The following PARD3B variants were observed in gnomAD, a reference collection of about 807,000 sequenced individuals.
The protein encoded by PARD3B is partitioning defective 3 homolog B.
A neutral mutation model predicts 130.2 loss-of-function variants in PARD3B; 103 were observed. The observed-to-expected ratio is 0.79, with a 90% CI of 0.67 to 0.93. The LOEUF (loss-of-function observed/expected upper bound fraction) is 0.93, where lower values mean the gene tolerates loss of function less well. PARD3B is among the 40% of genes least tolerant of loss of function. The probability of loss-of-function intolerance (pLI) is 0.00; values close to 1 mark genes in which losing one functional copy is unlikely to be tolerated. For missense variants in PARD3B, 1,609 were observed against 1,499.2 expected (o/e 1.07, Z -1.21); for synonymous variants, 583 against 553.2 (o/e 1.05, Z -0.76).
At position 205,176,474 on chromosome 2, in the gene PARD3B, G is replaced by A; in HGVS notation, c.1821G>A (p.Lys607=). The change falls in exon 13 of 23, where the codon AAG becomes AAA. Residue 607 remains lysine, a synonymous_variant. Transcript: ENST00000406610. The surrounding 1 kb of genome is among the most constrained non-coding windows in gnomAD (Gnocchi z 5.3). The stretch of plus-strand genomic sequence containing the variant: ...CTGCAGAGTGTGGGGCATTTTCCAA[G>A]CCATGCTTTGAGAACTGTCAAAATG... ...EDPAECGAFS[K]PCFENCQNAV... is the part of the protein sequence containing the mutation. 1 of 1,611,236 alleles carries A rather than the reference G, an allele frequency of 6.2e-7. No individual in the cohort carries two copies. The highest frequency in any genetic ancestry group is 1.1e-5 in the South Asian group (1 of 90,418).
chr2:204,817,355 A>G (rs1227806943), intron 2 of PARD3B, among the ~76,000 whole-genome samples: 1 of 151,920 alleles, frequency 6.6e-6, no homozygotes, highest in East Asian at 1.9e-4. Context: ...ACACAGCTAG[A>G]TTTATTAGAA....
Position 205,583,377 on chromosome 2 carries a change from C to CTGTGTGTGTGTGTG in PARD3B, c.3260+29985_3260+29998dup, listed in dbSNP as rs139162850. On this transcript the variant is annotated intron_variant, in intron 22 of 22. Transcript: ENST00000406610. ...TTAGTCATCTCTCTCCTCCTAAGCT[C>CTGTGTGTGTGTGTG]TGTGTGTGTGTGTGTGTGTGTGTGC... Among the ~76,000 whole-genome samples, 971 of 150,486 alleles carry CTGTGTGTGTGTGTG rather than the reference C, an allele frequency of 6.5e-3. 3 individuals are homozygous for CTGTGTGTGTGTGTG. Among genetic ancestry groups the CTGTGTGTGTGTGTG allele is most frequent in the South Asian group, 0.014 (65 of 4,728 alleles).
At chr2:205,583,424 AG>A (rs1345091764) in intron 22 of PARD3B, among the ~76,000 whole-genome samples, 4 of 101,422 alleles carry the variant, frequency 3.9e-5, no homozygotes, top group Non-Finnish European at 8.6e-5. Context: ...CGTGTGAGAG[AG>A]AGAGAGAGAG....
intron 4 of PARD3B, among the ~76,000 whole-genome samples, chr2:205,101,350 G>A (rs956971123): frequency 6.6e-6 from 1 of 152,116 alleles, no homozygotes; most frequent in Non-Finnish European, 1.5e-5. Context: ...TACCCATTAG[G>A]ATGAATAAAA....
At chr2:204,980,908 T>G (rs1319183863) in intron 3 of PARD3B, among the ~76,000 whole-genome samples, 2 of 152,218 alleles carry the variant, frequency 1.3e-5, no homozygotes, top group African/African-American at 4.8e-5. Context: ...AGGAAATCTG[T>G]AGCCTTGTTA....
rs562052592 is a variant in PARD3B at position 205,213,175 on chromosome 2, A to G, written c.2140+19855A>G. Among the ~76,000 whole-genome samples the G allele has an allele frequency of 2.0e-5, 3 of 152,136 alleles. No individual in the cohort carries two copies. The South Asian group carries it at 6.2e-4, about 32-fold the overall frequency. ...CACTCTTTTTTAAATTCTGTCTTTCATTCAGGACCCATTCAAATCTTGCCT... is the reference window on the plus strand; with the variant it reads ...CACTCTTTTTTAAATTCTGTCTTTCGTTCAGGACCCATTCAAATCTTGCCT... On this transcript the variant is annotated intron_variant, in intron 15 of 22. Coordinates refer to ENST00000406610, the MANE Select transcript of PARD3B (RefSeq NM_001302769.2).
At chr2:204,591,094 A>G (rs1180350513) in intron 1 of PARD3B, among the ~76,000 whole-genome samples, 3 of 152,204 alleles carry the variant, frequency 2.0e-5, no homozygotes, top group South Asian at 4.1e-4. Context: ...GAATGTTGCA[A>G]TTACTGTGTA....
chr2:204,801,664 G>A (rs1394299952), intron 2 of PARD3B, among the ~76,000 whole-genome samples: 1 of 152,142 alleles, frequency 6.6e-6, no homozygotes, highest in Non-Finnish European at 1.5e-5. Flanking sequence ...GAGACAATTT[G>A]ACTTCCTCTC....
chr2:205,615,355 G>A (rs2055387926), intron 22 of PARD3B, 101 bp from the exon 23 acceptor site: 2 of 926,406 alleles, frequency 2.2e-6, no homozygotes, highest in Admixed American at 2.3e-5. Context: ...CCAGACCTAT[G>A]CGGTGGCCAC....
intron 2 of PARD3B, among the ~76,000 whole-genome samples, chr2:204,913,695 G>C (rs1242160822): frequency 6.6e-6 from 1 of 152,142 alleles, no homozygotes; most frequent in Non-Finnish European, 1.5e-5. Flanking sequence ...AGCTGTTTGT[G>C]TCTAGTTTAA....
In PARD3B at chr2:205,288,431, G is replaced by A. The variant is rs1334153096; in HGVS notation, c.2186-12099G>A. 1.3e-5 allele frequency among the ~76,000 whole-genome samples: 2 copies of A among 152,000 alleles called. No individual in the cohort carries two copies. The highest frequency in any genetic ancestry group is 1.9e-4 in the East Asian group (1 of 5,182). The stretch of plus-strand genomic sequence containing the variant: ...TTTATTAGCAATGAGTTCCATTGCT[G>A]CAAAATATACCACTCTCTTTCCCTT... On this transcript the variant is annotated intron_variant, in intron 16 of 22. Coordinates refer to ENST00000406610, the MANE Select transcript of PARD3B (RefSeq NM_001302769.2). This position sits in a 1 kb window ranked among gnomAD's most constrained non-coding sequence, Gnocchi z 4.0.
rs754889366 is a variant in PARD3B, at chr2:204,738,386, A to G, written c.222+52104A>G. Among the ~76,000 whole-genome samples the G allele has an allele frequency of 4.6e-5, 7 of 152,208 alleles. No individual in the cohort carries two copies. The South Asian group carries it at 8.3e-4, about 18-fold the overall frequency. On this transcript the variant is annotated intron_variant, in intron 2 of 22. Transcript: ENST00000406610. ...TTCTCAGCTAGGTCACTGTTGGTAT[A>G]TAACAGTGCTACATTTTTGTGTATA... is the stretch of plus-strand genomic sequence containing the variant.
intron 1 of PARD3B, among the ~76,000 whole-genome samples, chr2:204,572,761 C>T (rs545401339): frequency 6.6e-6 from 1 of 152,212 alleles, no homozygotes; most frequent in East Asian, 1.9e-4. Context: ...ATTTATGTAG[C>T]CAGCATTCAT....
At chr2:204,777,455 A>T (rs544133300) in intron 2 of PARD3B, among the ~76,000 whole-genome samples, 1 of 152,224 alleles carries the variant, frequency 6.6e-6, no homozygotes, top group South Asian at 2.1e-4. Flanking sequence ...GACTAAGAAC[A>T]TGTGTTATTC....
rs183247512 is a variant in PARD3B, at chr2:204,909,876, C to T, written c.223-55276C>T. 3.1e-3 allele frequency among the ~76,000 whole-genome samples: 479 copies of T among 152,126 alleles called. 1 individual carries two copies. The highest frequency in any genetic ancestry group is 0.011 in the African/African-American group (449 of 41,502). ...CTTTATTGCTATGCTTAGATTTTTT[C>T]GAACTATTTTTCTCATGGAAGAGAA... On this transcript the variant is annotated intron_variant, in intron 2 of 22. Transcript: ENST00000406610.
At chr2:204,579,534 C>A (rs571757801) in intron 1 of PARD3B, among the ~76,000 whole-genome samples, 1 of 152,100 alleles carries the variant, frequency 6.6e-6, no homozygotes, top group Non-Finnish European at 1.5e-5. Context: ...TACTCAGTCT[C>A]GTAGGAATTC....
At chr2:205,580,632 A>G (rs1227350631) in intron 22 of PARD3B, among the ~76,000 whole-genome samples, 2 of 152,192 alleles carry the variant, frequency 1.3e-5, no homozygotes, top group South Asian at 2.1e-4. Flanking sequence ...GTGGCTTTGT[A>G]TGTCTTACTC....
chr2:204,946,632 A>G (rs1362628235), intron 2 of PARD3B, among the ~76,000 whole-genome samples: 3 of 152,180 alleles, frequency 2.0e-5, no homozygotes, highest in African/African-American at 7.2e-5. Flanking sequence ...ATGTACTGTC[A>G]GGGTTCTCCA....
intron 2 of PARD3B, among the ~76,000 whole-genome samples, chr2:204,902,888 A>C (rs532880627): frequency 6.6e-6 from 1 of 152,084 alleles, no homozygotes; most frequent in Non-Finnish European, 1.5e-5. Context: ...ATCTAGTTTT[A>C]TGGGTACGAC....
Sources: gnomAD v4.1 joint callset for allele counts (sites outside exome capture counted in the v4.1 genomes callset) on GRCh38, gnomAD v4.1.1 for gene constraint, Gnocchi (gnomAD v3.1) non-coding constraint, MANE v1.5 for transcripts, NCBI Gene and HGNC (gene_info 2026-07-23, HGNC 2026-07-21) for gene names.